Variants in SPOCK3 observed in about 807,000 individuals in gnomAD.
The protein encoded by SPOCK3 is testican-3.
In SPOCK3, 30 loss-of-function variants were observed where a neutral mutation model predicts 56.6. That is an observed-to-expected ratio of 0.53 (90% confidence interval 0.40 to 0.72). The LOEUF is 0.72. Ranked by LOEUF, SPOCK3 falls within the 30% of genes least tolerant of loss-of-function variation. SPOCK3 has a pLI of 0.00. For missense variants in SPOCK3, 527 were observed against 530.0 expected (o/e 0.99, Z 0.06); for synonymous variants, 196 against 183.3 (o/e 1.07, Z -0.56).
At chr4:167,232,362 A>AT (rs541913585) in intron 2 of SPOCK3, among the ~76,000 whole-genome samples, 166 of 147,960 alleles carry the variant, frequency 1.1e-3, no homozygotes, top group African/African-American at 3.8e-3. Flanking sequence ...AAAAAAAAAA[A>AT]CCCAAAACAA....
intron 2 of SPOCK3, among the ~76,000 whole-genome samples, chr4:167,159,300 T>G (rs1427124422): frequency 6.6e-6 from 1 of 152,024 alleles, no homozygotes; most frequent in Non-Finnish European, 1.5e-5. Context: ...TCAAAACAAC[T>G]ACCCAAAATA....
intron 9 of SPOCK3, among the ~76,000 whole-genome samples, chr4:166,741,189 A>G (rs914216334): frequency 6.6e-6 from 1 of 152,188 alleles, no homozygotes; most frequent in Non-Finnish European, 1.5e-5. Flanking sequence ...CTAAAATAGA[A>G]AAAGAACAGT....
At chr4:167,036,579 A>T (rs988244916) in intron 3 of SPOCK3, among the ~76,000 whole-genome samples, 1 of 152,206 alleles carries the variant, frequency 6.6e-6, no homozygotes, top group African/African-American at 2.4e-5. Flanking sequence ...AGAGTAGCTC[A>T]TGCCTTTAAG....
chr4:167,025,817 T>C (rs1295394736), intron 3 of SPOCK3, among the ~76,000 whole-genome samples: 1 of 152,112 alleles, frequency 6.6e-6, no homozygotes, highest in Non-Finnish European at 1.5e-5. Context: ...GAATGCATTG[T>C]CAGGTGATTT....
At chr4:166,844,231 T>C (rs2126845645) in intron 6 of SPOCK3, among the ~76,000 whole-genome samples, 1 of 152,338 alleles carries the variant, frequency 6.6e-6, no homozygotes, top group South Asian at 2.1e-4. Flanking sequence ...TGTCATTTAC[T>C]AGTTACTCGA....
At chr4:166,750,453 C>A (rs2126466829) in intron 8 of SPOCK3, among the ~76,000 whole-genome samples, 1 of 152,006 alleles carries the variant, frequency 6.6e-6, no homozygotes, top group Middle Eastern at 3.4e-3. Flanking sequence ...ATGCTAAATT[C>A]TTATCTTATG....
At chr4:166,832,001 T>C (rs545023332) in intron 6 of SPOCK3, among the ~76,000 whole-genome samples, 3 of 152,064 alleles carry the variant, frequency 2.0e-5, no homozygotes, top group African/African-American at 4.8e-5. Context: ...GTCAGATATA[T>C]AGTTTGCAAA....
At chr4:166,956,878 C>A (rs1743549322) in intron 4 of SPOCK3, among the ~76,000 whole-genome samples, 5 of 152,242 alleles carry the variant, frequency 3.3e-5, no homozygotes, top group Admixed American at 3.3e-4. Context: ...CATTCTCATC[C>A]TCCTTGCCTC....
At chr4:167,136,180 G>A (rs1275108671) in intron 2 of SPOCK3, among the ~76,000 whole-genome samples, 1 of 152,032 alleles carries the variant, frequency 6.6e-6, no homozygotes, top group East Asian at 1.9e-4. Flanking sequence ...GTGCAACCCA[G>A]GAATTTGTAA....
intron 3 of SPOCK3, among the ~76,000 whole-genome samples, chr4:167,048,264 C>G (rs1254145871): frequency 6.6e-6 from 1 of 150,960 alleles, no homozygotes; most frequent in African/African-American, 2.4e-5. Flanking sequence ...ACATCTAAGA[C>G]TATGTAAACA....
At chr4:167,125,451 C>T (rs1762193909) in intron 2 of SPOCK3, among the ~76,000 whole-genome samples, 1 of 149,260 alleles carries the variant, frequency 6.7e-6, no homozygotes, top group Non-Finnish European at 1.5e-5. Flanking sequence ...CGGTGGCTCA[C>T]GCCTGTAATC....
At chr4:166,891,474 T>C (rs1734778544) in intron 5 of SPOCK3, among the ~76,000 whole-genome samples, 1 of 151,954 alleles carries the variant, frequency 6.6e-6, no homozygotes, top group African/African-American at 2.4e-5. Flanking sequence ...AACAAATGAT[T>C]AAAAATTATT....
At chr4:166,948,233 C>A (rs1742031680) in intron 4 of SPOCK3, among the ~76,000 whole-genome samples, 1 of 152,046 alleles carries the variant, frequency 6.6e-6, no homozygotes, top group African/African-American at 2.4e-5. Context: ...TGCATATATA[C>A]CACATTTTCT....
At chr4:167,026,709 A>G (rs903484059) in intron 3 of SPOCK3, among the ~76,000 whole-genome samples, 1 of 151,964 alleles carries the variant, frequency 6.6e-6, no homozygotes, top group Non-Finnish European at 1.5e-5. Context: ...ACAATACACT[A>G]TTTTACATCT....
intron 3 of SPOCK3, among the ~76,000 whole-genome samples, chr4:167,039,403 T>G (rs1753054229): frequency 6.6e-6 from 1 of 152,192 alleles, no homozygotes; most frequent in South Asian, 2.1e-4. Context: ...CTTACCTTAC[T>G]TCATAGGTGA....
chr4:167,060,717 A>C (rs1264374885), intron 3 of SPOCK3, among the ~76,000 whole-genome samples: 1 of 152,098 alleles, frequency 6.6e-6, no homozygotes, highest in Non-Finnish European at 1.5e-5. Context: ...GGATGCCATT[A>C]TTTCTTGATA....
intron 2 of SPOCK3, among the ~76,000 whole-genome samples, chr4:167,080,071 A>G (rs1466083073): frequency 6.6e-6 from 1 of 152,066 alleles, no homozygotes; most frequent in Non-Finnish European, 1.5e-5. Flanking sequence ...CAAAATGCAT[A>G]GATGGCAAAT....
intron 2 of SPOCK3, among the ~76,000 whole-genome samples, chr4:167,179,942 G>A: frequency 6.6e-6 from 1 of 152,124 alleles, no homozygotes; most frequent in East Asian, 1.9e-4. Context: ...AAATATGCCA[G>A]GATTAGTACA....
intron 2 of SPOCK3, among the ~76,000 whole-genome samples, chr4:167,149,894 G>A (rs1257500414): frequency 6.6e-6 from 1 of 151,728 alleles, no homozygotes; most frequent in African/African-American, 2.4e-5. Context: ...GCAGAGATGT[G>A]AGTTTGAATT....
Sources: allele counts gnomAD v4.1 joint callset (sites outside exome capture counted in the v4.1 genomes callset), GRCh38; gene constraint gnomAD v4.1.1; transcripts MANE v1.5; gene names NCBI Gene and HGNC (gene_info 2026-07-23, HGNC 2026-07-21).